MTHFS: variants seen among roughly 807,000 people sequenced by gnomAD.
MTHFS encodes 5-formyltetrahydrofolate cyclo-ligase.
Under a neutral mutation model 12.7 loss-of-function variants are expected in MTHFS, and 7 were observed. That is an observed-to-expected ratio of 0.55 (90% CI 0.31 to 1.03). The LOEUF (loss-of-function observed/expected upper bound fraction) is 1.03, where lower values mean the gene tolerates loss of function less well. Among genes scored for constraint, MTHFS ranks in the 50% least tolerant of loss-of-function variants. MTHFS has a pLI of 0.05. For synonymous variants in MTHFS, 100 were observed against 97.1 expected (o/e 1.03, Z -0.18); for missense variants, 252 against 258.1 (o/e 0.98, Z 0.16).
intron 2 of MTHFS, among the ~76,000 whole-genome samples, chr15:79,883,185 G>A (rs547589864): frequency 1.3e-5 from 2 of 152,204 alleles, no homozygotes; most frequent in Non-Finnish European, 2.9e-5. Flanking sequence ...GTCTGGGTGA[G>A]AGAGTGAGAC....
At chr15:79,885,158 C>T (rs2034360919) in intron 2 of MTHFS, among the ~76,000 whole-genome samples, 1 of 152,136 alleles carries the variant, frequency 6.6e-6, no homozygotes, top group East Asian at 1.9e-4. Flanking sequence ...CCAATCATAA[C>T]CCTCCCAAAA....
chr15:79,852,453 CTG>C (rs2033732516), intron 2 of MTHFS, among the ~76,000 whole-genome samples: 1 of 152,196 alleles, frequency 6.6e-6, no homozygotes, highest in South Asian at 2.1e-4. Flanking sequence ...TTATTATAGA[CTG>C]TTAATTTTTA....
At chr15:79,886,654 T>C (rs2034387857) in intron 2 of MTHFS, among the ~76,000 whole-genome samples, 1 of 152,244 alleles carries the variant, frequency 6.6e-6, no homozygotes, top group African/African-American at 2.4e-5. Context: ...CAGTATCTTT[T>C]CATTTGACAC....
chr15:79,887,623 G>C (rs1315227510), intron 2 of MTHFS, among the ~76,000 whole-genome samples: 1 of 152,208 alleles, frequency 6.6e-6, no homozygotes, highest in Non-Finnish European at 1.5e-5. Flanking sequence ...TGGAGTAGCT[G>C]CATTAAGTTT....
chr15:79,850,770 A>G (rs2033703191), intron 2 of MTHFS, among the ~76,000 whole-genome samples: 1 of 152,212 alleles, frequency 6.6e-6, no homozygotes, highest in Admixed American at 6.5e-5. Flanking sequence ...GAGCTGCAGA[A>G]TCTTCGTTGA....
chr15:79,872,058 T>G (rs1596073226), intron 2 of MTHFS, among the ~76,000 whole-genome samples: 1 of 115,560 alleles, frequency 8.7e-6, no homozygotes, highest in Admixed American at 1.3e-4. Flanking sequence ...TGAGCTGAGA[T>G]AACACCACTG....
chr15:79,852,624 T>C (rs1486914178), intron 2 of MTHFS, among the ~76,000 whole-genome samples: 1 of 152,200 alleles, frequency 6.6e-6, no homozygotes, highest in Admixed American at 6.5e-5. Context: ...ATTCTTACTA[T>C]AAAATTCTTT....
intron 1 of MTHFS, among the ~76,000 whole-genome samples, chr15:79,893,210 C>T (rs754136564): frequency 1.5e-4 from 22 of 151,020 alleles, no homozygotes; most frequent in Non-Finnish European, 2.4e-4. Flanking sequence ...CAACATCAGC[C>T]GGGCCAAGAT....
intron 1 of MTHFS, among the ~76,000 whole-genome samples, chr15:79,895,569 T>C (rs1294851229): frequency 2.6e-5 from 4 of 152,204 alleles, no homozygotes; most frequent in African/African-American, 7.2e-5. Context: ...TTTAAACAAC[T>C]AGATAGTAAG....
At chr15:79,856,000 T>C (rs778379980) in intron 2 of MTHFS, among the ~76,000 whole-genome samples, 1 of 152,236 alleles carries the variant, frequency 6.6e-6, no homozygotes, top group African/African-American at 2.4e-5. Context: ...GTCTTTATGG[T>C]TGAACGATTT....
At chr15:79,883,144 C>T (rs968041956) in intron 2 of MTHFS, among the ~76,000 whole-genome samples, 7 of 152,188 alleles carry the variant, frequency 4.6e-5, no homozygotes, top group South Asian at 2.1e-4. Context: ...TTCAAGGTTA[C>T]AGTTAGCTAT....
intron 2 of MTHFS, among the ~76,000 whole-genome samples, chr15:79,879,315 A>G (rs28440471): frequency 0.044 from 5,530 of 124,844 alleles, 317 homozygotes; most frequent in East Asian, 0.27. Context: ...CCTTTAAATT[A>G]TTACCCTTTT....
In MTHFS at chr15:79,896,801, T is replaced by G. The variant is rs1016562789; in HGVS notation, c.117+71A>C. Reference sequence around the variant, plus strand: ...AGCGCCAGCACGGACCATGCACAGATCAGCAATCGCTGGCCGCCAGGCCTT... The same window carrying G: ...AGCGCCAGCACGGACCATGCACAGAGCAGCAATCGCTGGCCGCCAGGCCTT... On this transcript the variant is annotated intron_variant, in intron 1 of 2. Coordinates refer to ENST00000258874, the MANE Select transcript of MTHFS (RefSeq NM_006441.4). The G allele has an allele frequency of 2.7e-6, 4 of 1,503,134 alleles. No homozygotes were observed. In the East Asian group the frequency reaches 1.0e-4, roughly 39 times the overall value. 93.1% of individuals were successfully genotyped at this position (1,503,134 alleles called of 1,614,324 possible). A position where few individuals can be genotyped will look rare whatever the true frequency, so the allele number is the denominator to read the frequency against.
At chr15:79,846,857 C>A (rs2033625045) in intron 2 of MTHFS, among the ~76,000 whole-genome samples, 1 of 152,186 alleles carries the variant, frequency 6.6e-6, no homozygotes, top group Non-Finnish European at 1.5e-5. Context: ...TCTTCTATAC[C>A]TAGAACACAC....
chr15:79,864,121 G>A (rs2033963475), intron 2 of MTHFS, among the ~76,000 whole-genome samples: 1 of 152,144 alleles, frequency 6.6e-6, no homozygotes, highest in Admixed American at 6.5e-5. Flanking sequence ...CTGCAACTGT[G>A]AAAATGAGAT....
Position 79,894,304 on chromosome 15 carries a change from G to A in MTHFS, c.117+2568C>T, listed in dbSNP as rs369995264. Among the ~76,000 whole-genome samples, 8 of 152,026 alleles carry A rather than the reference G, an allele frequency of 5.3e-5. No homozygotes were observed. In the South Asian group the frequency reaches 6.2e-4, roughly 12 times the overall value. On this transcript the variant is annotated intron_variant, in intron 1 of 2. Transcript: ENST00000258874. ...GCTGAGGCAGGAGAATCGCTTGAAC[G>A]TGGGAGGCAGAGGTTGCAGTGAGCC...
intron 2 of MTHFS, among the ~76,000 whole-genome samples, chr15:79,874,958 T>C (rs2034165597): frequency 6.6e-6 from 1 of 152,028 alleles, no homozygotes; most frequent in African/African-American, 2.4e-5. Context: ...TACGAACAAT[T>C]TGTGCAGTTA....
chr15:79,845,327 T>A lies in MTHFS; in HGVS notation c.495A>T (p.Glu165Asp). ...CCAACGCCAGGGTGTAGGGCTTCAC[T>A]TCCTGATGCTGCAAACAGCGCTTCA... ...AYLKRCLQHQ[E>D]VKPYTLALAF... The change falls in exon 3 of 3, where the codon GAA becomes GAT. Residue 165 changes from glutamate to aspartate, a missense_variant. Coordinates refer to ENST00000258874, the MANE Select transcript of MTHFS (RefSeq NM_006441.4). 1 of 1,614,150 alleles carries A rather than the reference T, an allele frequency of 6.2e-7. No homozygotes were observed. The highest frequency in any genetic ancestry group is 1.1e-5 in the South Asian group (1 of 91,072).
Position 79,850,507 on chromosome 15 carries a change from G to C in MTHFS, c.380-5065C>G, listed in dbSNP as rs190563347. On this transcript the variant is annotated intron_variant, in intron 2 of 2. Transcript: ENST00000258874. ...GCCAAAGACAAATGTAAATGAATGA[G>C]TGTGGCTGTGTCCTGATAACATGTT... 5.3e-5 allele frequency among the ~76,000 whole-genome samples: 8 copies of C among 152,300 alleles called. No homozygotes were observed. The East Asian group carries it at 1.5e-3, about 29-fold the overall frequency.
Sources: gnomAD v4.1 joint callset for allele counts (sites outside exome capture counted in the v4.1 genomes callset) on GRCh38, gnomAD v4.1.1 for gene constraint, MANE v1.5 for transcripts, NCBI Gene and HGNC (gene_info 2026-07-23, HGNC 2026-07-21) for gene names.